EIF2AK2: variants seen among roughly 807,000 people sequenced by gnomAD.
EIF2AK2 encodes the protein interferon-induced, double-stranded RNA-activated protein kinase.
Under a neutral mutation model 70.5 loss-of-function variants are expected in EIF2AK2, and 40 were observed. That is an observed-to-expected ratio of 0.57 (90% CI 0.44 to 0.74). EIF2AK2 has a LOEUF of 0.74. Ranked by LOEUF, EIF2AK2 falls within the 30% of genes least tolerant of loss-of-function variation. The probability of loss-of-function intolerance (pLI) is 0.00; values close to 1 mark genes in which losing one functional copy is unlikely to be tolerated. For missense variants in EIF2AK2, 555 were observed against 644.3 expected, an observed-to-expected ratio of 0.86 and a Z score of 1.50; for synonymous variants, 198 against 220.9, an observed-to-expected ratio of 0.90 and a Z score of 0.92.
intron 14 of EIF2AK2, among the ~76,000 whole-genome samples, chr2:37,111,939 C>CTCTCTA (rs1218303490): frequency 5.8e-5 from 7 of 121,706 alleles, no homozygotes; most frequent in African/African-American, 2.3e-4. Context: ...CTCTCTCTCT[C>CTCTCTA]TATATATATA....
intron 13 of EIF2AK2, among the ~76,000 whole-genome samples, chr2:37,119,683 C>G (rs1573006895): frequency 6.6e-6 from 1 of 151,584 alleles, no homozygotes. Context: ...CCTCCACCTC[C>G]CAGGTTCAAG....
At chr2:37,137,061 A>C (rs756327125) in intron 8 of EIF2AK2, 44 bp from the exon 9 acceptor site, 2 of 1,538,942 alleles carry the variant, frequency 1.3e-6, no homozygotes, top group South Asian at 2.4e-5. Flanking sequence ...TGACTAAATC[A>C]GTCATCTTCC....
chr2:37,118,899 T>C (rs567989121), intron 13 of EIF2AK2, among the ~76,000 whole-genome samples: 75 of 152,326 alleles, frequency 4.9e-4, no homozygotes, highest in African/African-American at 1.7e-3. Context: ...AGGGGTGGGA[T>C]AAGCAGATAG....
chr2:37,137,073 T>C, intron 8 of EIF2AK2, 56 bp from the exon 9 acceptor site: 2 of 1,474,774 alleles, frequency 1.4e-6, no homozygotes, highest in Non-Finnish European at 1.8e-6. Context: ...TCATCTTCCT[T>C]TCCCGTTTTC....
intron 11 of EIF2AK2, among the ~76,000 whole-genome samples, chr2:37,122,972 C>T (rs968566400): frequency 6.6e-6 from 1 of 152,014 alleles, no homozygotes; most frequent in Non-Finnish European, 1.5e-5. Flanking sequence ...TCAAGACCAG[C>T]CTGACCAACA....
At chr2:37,109,414 T>C (rs1674071129) in intron 14 of EIF2AK2, 119 bp from the exon 15 acceptor site, 1 of 800,334 alleles carries the variant, frequency 1.2e-6, no homozygotes, top group East Asian at 2.7e-5. Flanking sequence ...TGTCTATTTA[T>C]TAGCAAAATC....
At chr2:37,150,655 G>T (rs1157149525) in intron 1 of EIF2AK2, among the ~76,000 whole-genome samples, 2 of 152,128 alleles carry the variant, frequency 1.3e-5, no homozygotes, top group Non-Finnish European at 2.9e-5. Flanking sequence ...GTGACTAGTT[G>T]AGTGGTAAAC....
chr2:37,123,609 T>G (rs959929899), intron 11 of EIF2AK2, among the ~76,000 whole-genome samples: 5 of 152,196 alleles, frequency 3.3e-5, no homozygotes, highest in African/African-American at 1.2e-4. Context: ...ATGTTTTGCT[T>G]AGATTTGTGT....
intron 14 of EIF2AK2, among the ~76,000 whole-genome samples, chr2:37,109,727 T>C (rs1404830675): frequency 6.6e-6 from 1 of 152,238 alleles, no homozygotes; most frequent in Non-Finnish European, 1.5e-5. Context: ...TACAATGGAC[T>C]ACGACTCAGC....
At chr2:37,154,937 ATT>A (rs34658468) in intron 1 of EIF2AK2, among the ~76,000 whole-genome samples, 61,271 of 146,610 alleles carry the variant, frequency 0.42, 13,226 homozygotes, top group East Asian at 0.77. Context: ...CTTTTCTTCT[ATT>A]TTTTTTTTTT....
At chr2:37,136,178 A>C (rs1558422430) in intron 9 of EIF2AK2, among the ~76,000 whole-genome samples, 1 of 152,278 alleles carries the variant, frequency 6.6e-6, no homozygotes, top group South Asian at 2.1e-4. Context: ...CTAAAACTAA[A>C]CATATCCAAA....
chr2:37,140,535 C>T (rs959947022), intron 5 of EIF2AK2, among the ~76,000 whole-genome samples: 3 of 151,932 alleles, frequency 2.0e-5, no homozygotes, highest in African/African-American at 7.3e-5. Flanking sequence ...CCCGCTAGAC[C>T]CTGAATTAAA....
At chr2:37,107,965 G>A (rs999912710) in intron 15 of EIF2AK2, among the ~76,000 whole-genome samples, 1 of 151,996 alleles carries the variant, frequency 6.6e-6, no homozygotes, top group African/African-American at 2.4e-5. Context: ...GACCAACATG[G>A]TGAAACCCCA....
At chr2:37,143,028 A>G (rs773376908) in intron 4 of EIF2AK2, among the ~76,000 whole-genome samples, 1 of 152,120 alleles carries the variant, frequency 6.6e-6, no homozygotes, top group Non-Finnish European at 1.5e-5. Flanking sequence ...GGAGTTAAAC[A>G]CCAGCCTGGC....
chr2:37,154,434 A>G (rs1280837211), intron 1 of EIF2AK2, among the ~76,000 whole-genome samples: 1 of 152,186 alleles, frequency 6.6e-6, no homozygotes, highest in Admixed American at 6.5e-5. Context: ...TGGCTTCCCT[A>G]TCACTAAATC....
Position 37,109,356 on chromosome 2 carries a change from A to G in EIF2AK2, c.1378-61T>C, listed in dbSNP as rs1674069002. The G allele has an allele frequency of 2.1e-6, 3 of 1,446,042 alleles. No individual in the cohort carries two copies. In the Admixed American group the frequency reaches 6.3e-5, roughly 30 times the overall value. The allele number at this position is 1,446,042 out of a possible 1,614,324, so 89.6% of individuals were successfully genotyped here. ...TCCTTACATAAATATCCAGCCTTCTAAAGCCCAAAAAAGTTATTTGACCAA... is the reference window on the plus strand; with the variant it reads ...TCCTTACATAAATATCCAGCCTTCTGAAGCCCAAAAAAGTTATTTGACCAA... On this transcript the variant is annotated intron_variant, in intron 14 of 16. Coordinates refer to ENST00000233057, the MANE Select transcript of EIF2AK2 (RefSeq NM_001135651.3).
intron 3 of EIF2AK2, 94 bp from the exon 4 acceptor site, chr2:37,147,067 T>C (rs1675571410): frequency 1.6e-6 from 2 of 1,225,618 alleles, no homozygotes; most frequent in African/African-American, 3.1e-5. Flanking sequence ...ATGACTACCT[T>C]TGAGGGTTTG....
chr2:37,113,090 T>G (rs1204007745), intron 14 of EIF2AK2, among the ~76,000 whole-genome samples: 1 of 152,232 alleles, frequency 6.6e-6, no homozygotes, highest in Non-Finnish European at 1.5e-5. Context: ...TAATTCAAAT[T>G]GCAGTTAATT....
At chr2:37,127,906 T>G (rs1429367665) in intron 10 of EIF2AK2, among the ~76,000 whole-genome samples, 1 of 152,088 alleles carries the variant, frequency 6.6e-6, no homozygotes, top group African/African-American at 2.4e-5. Flanking sequence ...CGACACCTGC[T>G]AATTTTTGTA....
Sources: gnomAD v4.1 joint callset for allele counts (sites outside exome capture counted in the v4.1 genomes callset) on GRCh38, gnomAD v4.1.1 for gene constraint, MANE v1.5 for transcripts, NCBI Gene and HGNC (gene_info 2026-07-23, HGNC 2026-07-21) for gene names.